Variants in LRP1B observed in about 807,000 individuals in gnomAD.
LRP1B encodes LDL receptor related protein 1B, also known as low-density lipoprotein receptor-related protein 1B.
Under a neutral mutation model 556.6 loss-of-function variants are expected in LRP1B, and 217 were observed. The ratio of observed to expected loss-of-function variants is 0.39; its 90% CI spans 0.35 to 0.44. The LOEUF (loss-of-function observed/expected upper bound fraction) is 0.44, where lower values mean the gene tolerates loss of function less well. Among genes scored for constraint, LRP1B ranks in the 20% least tolerant of loss-of-function variants. The probability of loss-of-function intolerance (pLI) is 1.00; values close to 1 mark genes in which losing one functional copy is unlikely to be tolerated. For synonymous variants in LRP1B, 2,047 were observed against 1,865.8 expected, an observed-to-expected ratio of 1.10 and a Z score of -2.50; for missense variants, 5,053 against 5,620.8, an observed-to-expected ratio of 0.90 and a Z score of 3.23.
chr2:140,620,095 A>G (rs992439497), intron 41 of LRP1B, among the ~76,000 whole-genome samples: 3 of 152,106 alleles, frequency 2.0e-5, no homozygotes, highest in Non-Finnish European at 2.9e-5. Flanking sequence ...GAAGTAAATT[A>G]TATTTTTTTA....
chr2:140,654,932 A>G (rs563324627), intron 41 of LRP1B, among the ~76,000 whole-genome samples: 2 of 152,222 alleles, frequency 1.3e-5, no homozygotes, highest in East Asian at 3.9e-4. Context: ...TATAATCATT[A>G]CTGTCAAATG....
At chr2:141,108,883 T>C (rs1404214784) in intron 7 of LRP1B, among the ~76,000 whole-genome samples, 1 of 152,166 alleles carries the variant, frequency 6.6e-6, no homozygotes, top group African/African-American at 2.4e-5. Flanking sequence ...ATAATAGCCC[T>C]TCTCTGAACT....
chr2:141,678,548 T>C (rs1690975502), intron 2 of LRP1B, among the ~76,000 whole-genome samples: 1 of 152,150 alleles, frequency 6.6e-6, no homozygotes, highest in Non-Finnish European at 1.5e-5. Flanking sequence ...AGTGGTTTTG[T>C]CAATGCGGAT....
intron 1 of LRP1B, among the ~76,000 whole-genome samples, chr2:141,894,632 T>G (rs543355693): frequency 6.0e-5 from 8 of 132,858 alleles, no homozygotes; most frequent in African/African-American, 2.0e-4. Context: ...CTAAATAGAA[T>G]ATTTAGATCT....
intron 3 of LRP1B, among the ~76,000 whole-genome samples, chr2:141,342,549 A>G (rs1443644946): frequency 2.0e-5 from 3 of 151,982 alleles, no homozygotes; most frequent in African/African-American, 7.2e-5. Context: ...GAACTGAAAA[A>G]CACAGCACAA....
intron 41 of LRP1B, among the ~76,000 whole-genome samples, chr2:140,652,665 C>A (rs1006077860): frequency 1.3e-5 from 2 of 152,012 alleles, no homozygotes; most frequent in Non-Finnish European, 1.5e-5. Flanking sequence ...AATTTAGAAT[C>A]ATGAAAGTTT....
At chr2:141,417,617 C>T (rs1679949700) in intron 3 of LRP1B, among the ~76,000 whole-genome samples, 1 of 152,138 alleles carries the variant, frequency 6.6e-6, no homozygotes, top group Admixed American at 6.6e-5. Flanking sequence ...TCTATGTTCA[C>T]CATCGAGGGA....
chr2:140,958,115 CA>C (rs950787111), intron 18 of LRP1B, among the ~76,000 whole-genome samples: 2 of 150,450 alleles, frequency 1.3e-5, no homozygotes, highest in African/African-American at 4.9e-5. Context: ...CCACATGGGA[CA>C]AAAAAAATTA....
chr2:140,557,783 G>C, intron 43 of LRP1B, among the ~76,000 whole-genome samples: 1 of 152,112 alleles, frequency 6.6e-6, no homozygotes, highest in Admixed American at 6.6e-5. Flanking sequence ...TTCTATGAAG[G>C]AGGCTTATCT....
At chr2:140,884,534 C>A (rs959629446) in intron 24 of LRP1B, among the ~76,000 whole-genome samples, 4 of 152,044 alleles carry the variant, frequency 2.6e-5, no homozygotes, top group Admixed American at 2.0e-4. Context: ...CTATATTTAA[C>A]CTTAACAAAG....
chr2:141,289,966 G>T (rs919321491), intron 3 of LRP1B, among the ~76,000 whole-genome samples: 2 of 151,908 alleles, frequency 1.3e-5, no homozygotes, highest in African/African-American at 2.4e-5. Context: ...AAGTGACTTG[G>T]TTTTTTTTCT....
intron 51 of LRP1B, among the ~76,000 whole-genome samples, chr2:140,511,358 G>T (rs1000941610): frequency 1.2e-4 from 17 of 144,382 alleles, no homozygotes; most frequent in African/African-American, 4.2e-4. Flanking sequence ...CTGGAGTGCG[G>T]TGGCGCGGTC....
chr2:140,303,273 G>T lies in LRP1B; in HGVS notation c.12806-5304C>A, dbSNP rs534569038. Among the ~76,000 whole-genome samples the T allele has an allele frequency of 7.9e-4, 120 of 151,606 alleles. 1 individual carries two copies. The highest frequency in any genetic ancestry group is 2.8e-4 in the Non-Finnish European group (19 of 67,880). ...TTATTTATTTATTTATTTGAGATGG[G>T]GTCTCACTCTGTTGCCCAGGCTGGA... On this transcript the variant is annotated intron_variant, in intron 83 of 90. Coordinates refer to ENST00000389484, the MANE Select transcript of LRP1B (RefSeq NM_018557.3).
chr2:140,704,717 CTG>C, intron 37 of LRP1B, among the ~76,000 whole-genome samples: 1 of 152,194 alleles, frequency 6.6e-6, no homozygotes, highest in South Asian at 2.1e-4. Context: ...GAAGGAGGCA[CTG>C]TGAGACCAGG....
intron 31 of LRP1B, among the ~76,000 whole-genome samples, chr2:140,829,659 T>C (rs2380897): frequency 0.024 from 3,690 of 152,080 alleles, 160 homozygotes; most frequent in East Asian, 0.17. Flanking sequence ...AATGAACACC[T>C]ACATCAAAAA....
intron 31 of LRP1B, among the ~76,000 whole-genome samples, chr2:140,836,443 A>G (rs75359044): frequency 0.025 from 3,867 of 152,286 alleles, 66 homozygotes; most frequent in South Asian, 0.056. Context: ...TGTGTATGTG[A>G]AAATTGCTAT....
chr2:141,129,743 T>A (rs988262858), intron 7 of LRP1B, among the ~76,000 whole-genome samples: 1 of 151,194 alleles, frequency 6.6e-6, no homozygotes, highest in Non-Finnish European at 1.5e-5. Context: ...TTGAATAAAA[T>A]AGGAACAAAA....
chr2:142,036,481 T>C (rs1465345899), intron 1 of LRP1B, among the ~76,000 whole-genome samples: 1 of 151,708 alleles, frequency 6.6e-6, no homozygotes, highest in Non-Finnish European at 1.5e-5. Flanking sequence ...TTCCTAATTA[T>C]TGGTATTATT....
intron 1 of LRP1B, among the ~76,000 whole-genome samples, chr2:142,124,294 G>A (rs1707562653): frequency 1.3e-5 from 2 of 151,782 alleles, no homozygotes; most frequent in South Asian, 4.2e-4. Flanking sequence ...GAAGTAATAG[G>A]GAATAAGATC....
Sources: gnomAD v4.1 joint callset for allele counts (sites outside exome capture counted in the v4.1 genomes callset) on GRCh38, gnomAD v4.1.1 for gene constraint, MANE v1.5 for transcripts, NCBI Gene and HGNC (gene_info 2026-07-23, HGNC 2026-07-21) for gene names.